SLC9A9: variants seen among roughly 807,000 people sequenced by gnomAD.
SLC9A9 encodes the protein solute carrier family 9 member A9.
SLC9A9 carries 62 observed loss-of-function variants against 77.8 expected under a neutral mutation model. The observed-to-expected ratio is 0.80, with a 90% CI of 0.65 to 0.98. SLC9A9 has a LOEUF of 0.98. Ranked by LOEUF, SLC9A9 falls within the 50% of genes least tolerant of loss-of-function variation. SLC9A9 has a pLI of 0.00. For missense variants in SLC9A9, 775 were observed against 774.9 expected (o/e 1.00, Z 0.00); for synonymous variants, 320 against 283.5 (o/e 1.13, Z -1.29).
chr3:143,417,640 C>T (rs1244851327), intron 12 of SLC9A9, among the ~76,000 whole-genome samples: 1 of 151,946 alleles, frequency 6.6e-6, no homozygotes. Context: ...CGTGTGAGGA[C>T]AGTGAGAAGG....
At chr3:143,475,188 C>T (rs985059410) in intron 11 of SLC9A9, among the ~76,000 whole-genome samples, 2 of 147,640 alleles carry the variant, frequency 1.4e-5, no homozygotes, top group African/African-American at 5.0e-5. Flanking sequence ...AGGATGGTTT[C>T]GATTTCCTGA....
intron 9 of SLC9A9, among the ~76,000 whole-genome samples, chr3:143,516,117 C>T (rs1261506052): frequency 6.6e-6 from 1 of 152,090 alleles, no homozygotes; most frequent in African/African-American, 2.4e-5. Context: ...TTATACACTT[C>T]TAGGAAATTG....
chr3:143,558,629 T>A (rs150130893), intron 8 of SLC9A9, among the ~76,000 whole-genome samples: 1 of 152,178 alleles, frequency 6.6e-6, no homozygotes, highest in African/African-American at 2.4e-5. Flanking sequence ...ACCTCCTTTG[T>A]TTTGGCCAAT....
At chr3:143,428,342 A>T (rs1222761668) in intron 12 of SLC9A9, among the ~76,000 whole-genome samples, 1 of 152,188 alleles carries the variant, frequency 6.6e-6, no homozygotes, top group African/African-American at 2.4e-5. Flanking sequence ...GAACATGCCT[A>T]ATCATCAGAG....
chr3:143,671,128 T>C (rs377043389), intron 5 of SLC9A9, among the ~76,000 whole-genome samples: 1 of 152,206 alleles, frequency 6.6e-6, no homozygotes, highest in Non-Finnish European at 1.5e-5. Context: ...AATTAGATGA[T>C]ATATTTGTAC....
At chr3:143,512,251 C>T (rs947324878) in intron 9 of SLC9A9, among the ~76,000 whole-genome samples, 1 of 152,196 alleles carries the variant, frequency 6.6e-6, no homozygotes, top group Non-Finnish European at 1.5e-5. Context: ...TGTAATAAAA[C>T]TTTATAGGAT....
chr3:143,708,352 C>T (rs1124328), intron 4 of SLC9A9, among the ~76,000 whole-genome samples: 26,811 of 152,046 alleles, frequency 0.18, 2,601 homozygotes, highest in African/African-American at 0.26. Flanking sequence ...GTGCGAGACT[C>T]GGTCACATTC....
At chr3:143,452,955 GA>G (rs958201250) in intron 12 of SLC9A9, among the ~76,000 whole-genome samples, 9 of 152,004 alleles carry the variant, frequency 5.9e-5, no homozygotes, top group African/African-American at 2.2e-4. Context: ...ATGGTTCAGT[GA>G]AAAAGCAACA....
chr3:143,798,502 T>C (rs1367659841), intron 2 of SLC9A9, among the ~76,000 whole-genome samples: 1 of 152,206 alleles, frequency 6.6e-6, no homozygotes, highest in African/African-American at 2.4e-5. Context: ...CCTCCTTCAC[T>C]ATAGGCAAGC....
chr3:143,583,426 G>A (rs954930706), intron 6 of SLC9A9, among the ~76,000 whole-genome samples: 15 of 152,232 alleles, frequency 9.9e-5, no homozygotes, highest in African/African-American at 3.6e-4. Context: ...AGACATTATT[G>A]AGACTTCAGT....
In SLC9A9 at chr3:143,574,158, C is replaced by T. The variant is rs778195969; in HGVS notation, c.930G>A (p.Met310Ile). 1 of 1,613,492 alleles carries T rather than the reference C, an allele frequency of 6.2e-7. No individual in the cohort carries two copies. Among genetic ancestry groups the T allele is most frequent in the South Asian group, 1.1e-5 (1 of 91,068 alleles). Residue 310 changes from methionine (M) to isoleucine (I), a missense_variant, in exon 8 of 16, where the codon ATG becomes ATA. By Grantham distance (10) the Met-to-Ile change is conservative (BLOSUM62 1). Coordinates refer to ENST00000316549, the MANE Select transcript of SLC9A9 (RefSeq NM_173653.4). ...TKFTKLCEFP[M>I]LETGLFFLLS... The stretch of plus-strand genomic sequence containing the variant: ...GCAGGAAAAACAGGCCGGTTTCCAG[C>T]ATCGGGAACTCACACAGCTTGGTAA...
At chr3:143,578,539 G>T (rs779438256) in intron 7 of SLC9A9, 46 bp downstream of exon 7, 2 of 1,613,096 alleles carry the variant, frequency 1.2e-6, no homozygotes, top group South Asian at 1.1e-5. Context: ...CATGGATACT[G>T]ACTGTTCTTG....
chr3:143,394,730 A>C (rs184931228), intron 12 of SLC9A9, among the ~76,000 whole-genome samples: 7 of 152,374 alleles, frequency 4.6e-5, no homozygotes, highest in African/African-American at 1.7e-4. Context: ...AATCTCCTTA[A>C]GCTGATAGGC....
chr3:143,629,755 G>A (rs1003340749), intron 6 of SLC9A9, among the ~76,000 whole-genome samples: 3 of 152,020 alleles, frequency 2.0e-5, no homozygotes, highest in African/African-American at 4.8e-5. Context: ...TGGCACTGGG[G>A]GTAGAGAATT....
chr3:143,694,422 T>C (rs1012289245), intron 4 of SLC9A9, among the ~76,000 whole-genome samples: 1 of 152,138 alleles, frequency 6.6e-6, no homozygotes, highest in Non-Finnish European at 1.5e-5. Context: ...AGAATTGTTT[T>C]AAGGATTAAC....
chr3:143,400,353 C>T (rs182539762), intron 12 of SLC9A9, among the ~76,000 whole-genome samples: 92 of 151,984 alleles, frequency 6.1e-4, no homozygotes, highest in African/African-American at 2.1e-3. Context: ...ACTACTCAGC[C>T]GTAAAAAAGA....
intron 8 of SLC9A9, 131 bp from the exon 9 acceptor site, chr3:143,552,581 T>C (rs1253650757): frequency 1.4e-6 from 1 of 717,956 alleles, no homozygotes; most frequent in Non-Finnish European, 2.4e-6. Flanking sequence ...ACCATGATAA[T>C]GCAACCTAGG....
At chr3:143,453,745 C>T (rs1394208193) in intron 12 of SLC9A9, among the ~76,000 whole-genome samples, 2 of 151,994 alleles carry the variant, frequency 1.3e-5, no homozygotes, top group Non-Finnish European at 2.9e-5. Flanking sequence ...GAGATAGATG[C>T]TGTTATTACC....
At chr3:143,772,636 A>G (rs1316695283) in intron 4 of SLC9A9, among the ~76,000 whole-genome samples, 2 of 152,162 alleles carry the variant, frequency 1.3e-5, no homozygotes, top group Non-Finnish European at 2.9e-5. Flanking sequence ...TCTTAGATAA[A>G]TACCGCAGAT....
Sources: allele counts gnomAD v4.1 joint callset (sites outside exome capture counted in the v4.1 genomes callset), GRCh38; gene constraint gnomAD v4.1.1; transcripts MANE v1.5; gene names NCBI Gene and HGNC (gene_info 2026-07-23, HGNC 2026-07-21).